Variants in MED26 observed in about 807,000 individuals in gnomAD.
MED26 encodes mediator complex subunit 26, also known as mediator of RNA polymerase II transcription subunit 26.
A neutral mutation model predicts 43.7 loss-of-function variants in MED26; 7 were observed. That is an observed-to-expected ratio of 0.16 (90% CI 0.09 to 0.30). The LOEUF is 0.30. Among genes scored for constraint, MED26 ranks in the 10% least tolerant of loss-of-function variants. MED26 has a pLI of 1.00. For missense variants in MED26, 784 were observed against 840.6 expected (o/e 0.93, Z 0.83); for synonymous variants, 375 against 371.1 (o/e 1.01, Z -0.12).
chr19:16,590,302 G>A (rs1380394664), intron 1 of MED26, among the ~76,000 whole-genome samples: 1 of 152,172 alleles, frequency 6.6e-6, no homozygotes, highest in Non-Finnish European at 1.5e-5. Context: ...AGAAGCCAGG[G>A]TGCCAGCTGG....
At chr19:16,611,423 C>T (rs1176537609) in intron 1 of MED26, 1 of 152,160 alleles carries the variant, frequency 6.6e-6, no homozygotes, top group Non-Finnish European at 1.5e-5. Context: ...GGGAACTAAT[C>T]CTCTCCACTG....
At chr19:16,603,034 C>A (rs74912674) in intron 1 of MED26, among the ~76,000 whole-genome samples, 1 of 152,268 alleles carries the variant, frequency 6.6e-6, no homozygotes, top group Non-Finnish European at 1.5e-5. Flanking sequence ...AAAACACCAG[C>A]GGGACCCTGG....
chr19:16,612,895 G>A (rs2086205949), intron 1 of MED26, among the ~76,000 whole-genome samples: 1 of 152,122 alleles, frequency 6.6e-6, no homozygotes, highest in Non-Finnish European at 1.5e-5. Flanking sequence ...ACTGCTCCTT[G>A]CTGACACTAA....
intron 1 of MED26, chr19:16,578,634 G>A (rs1026851680): frequency 1.1e-5 from 6 of 555,320 alleles, no homozygotes; most frequent in Admixed American, 6.4e-5. Flanking sequence ...TGGTGTGCGG[G>A]CTGCCCCAAG....
chr19:16,624,125 C>A (rs61466714), intron 1 of MED26, among the ~76,000 whole-genome samples: 6,271 of 136,686 alleles, frequency 0.046, 287 homozygotes, highest in African/African-American at 0.11. Context: ...AAAAAAAAAA[C>A]CCCTTCTAGA....
chr19:16,623,240 CAG>C (rs1168420926), intron 1 of MED26, among the ~76,000 whole-genome samples: 2 of 152,176 alleles, frequency 1.3e-5, no homozygotes, highest in African/African-American at 4.8e-5. Context: ...TTCCCGAAGT[CAG>C]AGAACACCAC....
intron 1 of MED26, among the ~76,000 whole-genome samples, chr19:16,614,831 G>A (rs777412166): frequency 1.6e-4 from 24 of 152,192 alleles, no homozygotes; most frequent in Non-Finnish European, 3.4e-4. Flanking sequence ...GCTTCCTCCA[G>A]GGGTCTGGCC....
At chr19:16,613,837 G>A (rs1170068057) in intron 1 of MED26, among the ~76,000 whole-genome samples, 3 of 152,084 alleles carry the variant, frequency 2.0e-5, no homozygotes, top group Non-Finnish European at 4.4e-5. Context: ...AAAGGATGTC[G>A]AGCCCTTGGT....
chr19:16,612,027 CATAA>C (rs1483271920), intron 1 of MED26: 2 of 152,140 alleles, frequency 1.3e-5, no homozygotes, highest in African/African-American at 2.4e-5. Flanking sequence ...CCTCTTGCTA[CATAA>C]ATAGTTTCCA....
intron 1 of MED26, among the ~76,000 whole-genome samples, chr19:16,607,997 C>T (rs1698343482): frequency 6.6e-6 from 1 of 152,266 alleles, no homozygotes; most frequent in African/African-American, 2.4e-5. Flanking sequence ...GGACAAGGAA[C>T]CTGTCTGTGG....
At position 16,575,938 on chromosome 19, in the gene MED26, GGCA is replaced by G; in HGVS notation, c.*86_*88del. ...GACTCCCCGAGTTCCCAGCGCAGGA[GGCA>G]GCTGGGCCCCGGCCACCTGCCCACC... On this transcript the variant is annotated 3_prime_UTR_variant, in exon 3 of 3. Transcript: ENST00000263390. 8.0e-7 allele frequency: 1 copy of G among 1,256,782 alleles called. No homozygotes were observed. Among genetic ancestry groups the G allele is most frequent in the Middle Eastern group, 2.1e-4 (1 of 4,846 alleles). 77.9% of individuals were successfully genotyped at this position (1,256,782 alleles called of 1,614,324 possible).
At chr19:16,618,210 C>G (rs911799696) in intron 1 of MED26, among the ~76,000 whole-genome samples, 1 of 152,176 alleles carries the variant, frequency 6.6e-6, no homozygotes, top group African/African-American at 2.4e-5. Context: ...GGAGGGGCCA[C>G]AGCTCTTGCC....
At chr19:16,594,182 G>C (rs1479711927) in intron 1 of MED26, among the ~76,000 whole-genome samples, 2 of 152,248 alleles carry the variant, frequency 1.3e-5, no homozygotes, top group African/African-American at 4.8e-5. Flanking sequence ...GAAGCTTGCT[G>C]GTAGAAGCCT....
In MED26 at chr19:16,617,572, T is replaced by C. The variant is rs3786597; in HGVS notation, c.72+10300A>G. On this transcript the variant is annotated intron_variant, in intron 1 of 2. Transcript: ENST00000263390. ...AGGCGGACACACAGACACACACACA[T>C]AGTGTGGAGGACCAGAAACAGAAAA... Among the ~76,000 whole-genome samples, 1,271 of 152,152 alleles carry C rather than the reference T, an allele frequency of 8.4e-3. 32 individuals are homozygous for C. Among genetic ancestry groups the C allele is most frequent in the South Asian group, 0.08 (387 of 4,818 alleles).
rs201605660 is a variant in MED26 at position 16,576,936 on chromosome 19, G to A, written c.894C>T (p.Pro298=). ...GTGCCTGGGGCCGCGGTGAGGGGCT[G>A]GGCACGGAGCCCTTGGGTGCATACA... The part of the protein sequence containing the change: ...QSLYAPKGSV[P]SPSPRPQALD... The change falls in exon 3 of 3, where the codon CCC becomes CCT. Residue 298 remains proline, a synonymous_variant. Transcript: ENST00000263390. The surrounding 1 kb of genome is among the most constrained non-coding windows in gnomAD (Gnocchi z 6.8). 3 of 1,595,866 alleles carry A rather than the reference G, an allele frequency of 1.9e-6. No homozygotes were observed. In the East Asian group the frequency reaches 6.7e-5, roughly 36 times the overall value.
intron 1 of MED26, among the ~76,000 whole-genome samples, chr19:16,609,684 G>C (rs1205495639): frequency 1.3e-5 from 2 of 151,802 alleles, no homozygotes; most frequent in African/African-American, 4.8e-5. Context: ...AATAGAGTCT[G>C]AATGAAACTA....
chr19:16,618,524 G>A (rs1263074118), intron 1 of MED26, among the ~76,000 whole-genome samples: 1 of 152,154 alleles, frequency 6.6e-6, no homozygotes, highest in East Asian at 1.9e-4. Flanking sequence ...ACAACTCCAC[G>A]CGGTGACCTC....
intron 1 of MED26, among the ~76,000 whole-genome samples, chr19:16,623,413 A>G (rs540661653): frequency 6.6e-6 from 1 of 152,310 alleles, no homozygotes; most frequent in African/African-American, 2.4e-5. Flanking sequence ...TTTGCAATTT[A>G]CACCATTCTG....
rs1432682017 is a variant in MED26, at chr19:16,627,887, G to A, written c.57C>T (p.Ile19=). The stretch of plus-strand genomic sequence containing the variant: ...GGGTACTTACGTTGCTCTGGGGGTC[G>A]ATGGCCTGCAGCAGCCGGTCCCTGA... ...QQIRDRLLQA[I]DPQSNIRNMV... Residue 19 remains isoleucine, a synonymous_variant, in exon 1 of 3, where the codon ATC becomes ATT. Transcript: ENST00000263390. 1.3e-6 allele frequency: 2 copies of A among 1,498,376 alleles called. No homozygotes were observed. The highest frequency in any genetic ancestry group is 2.1e-5 in the Admixed American group (1 of 47,082). 92.8% of individuals were successfully genotyped at this position (1,498,376 alleles called of 1,614,324 possible).
Sources: gnomAD v4.1 joint callset for allele counts (sites outside exome capture counted in the v4.1 genomes callset) on GRCh38, gnomAD v4.1.1 for gene constraint, Gnocchi (gnomAD v3.1) non-coding constraint, MANE v1.5 for transcripts, NCBI Gene and HGNC (gene_info 2026-07-23, HGNC 2026-07-21) for gene names.